Variants in TYW1B observed in about 807,000 individuals in gnomAD.
TYW1B encodes the protein S-adenosyl-L-methionine-dependent tRNA 4-demethylwyosine synthase TYW1B.
In TYW1B, 73 loss-of-function variants were observed where a neutral mutation model predicts 86.9. That is an observed-to-expected ratio of 0.84 (90% CI 0.70 to 1.02). TYW1B has a LOEUF of 1.02. Ranked by LOEUF, TYW1B falls within the 50% of genes least tolerant of loss-of-function variation. TYW1B has a pLI of 0.00. For synonymous variants in TYW1B, 248 were observed against 292.8 expected (o/e 0.85, Z 1.56); for missense variants, 637 against 827.4 (o/e 0.77, Z 2.82).
chr7:72,606,642 A>G (rs1284098775), intron 13 of TYW1B, among the ~76,000 whole-genome samples: 1 of 151,578 alleles, frequency 6.6e-6, no homozygotes, highest in Non-Finnish European at 1.5e-5. Context: ...ATGTCAGTGG[A>G]GTCTAAGGGG....
intron 7 of TYW1B, among the ~76,000 whole-genome samples, chr7:72,748,667 C>T (rs1426411194): frequency 2.6e-5 from 4 of 151,526 alleles, no homozygotes; most frequent in Non-Finnish European, 4.4e-5. Flanking sequence ...CTGCCAAATG[C>T]TTTTTCAGAA....
At chr7:72,649,947 C>A (rs1311908832) in intron 11 of TYW1B, among the ~76,000 whole-genome samples, 5 of 151,924 alleles carry the variant, frequency 3.3e-5, no homozygotes, top group African/African-American at 1.2e-4. Flanking sequence ...TGGAGTGCAG[C>A]GGTGCAATCT....
intron 7 of TYW1B, among the ~76,000 whole-genome samples, chr7:72,750,607 A>T (rs1395222112): frequency 3.3e-5 from 5 of 152,048 alleles, no homozygotes; most frequent in Admixed American, 3.3e-4. Context: ...GATGTCTTTC[A>T]TCAAATTTGG....
chr7:72,827,843 T>C (rs1166436599), intron 1 of TYW1B, among the ~76,000 whole-genome samples: 1 of 151,906 alleles, frequency 6.6e-6, no homozygotes, highest in Non-Finnish European at 1.5e-5. Context: ...TACACGTGGG[T>C]AAAGTGGGAG....
intron 9 of TYW1B, among the ~76,000 whole-genome samples, chr7:72,721,020 T>C (rs1465596575): frequency 3.3e-5 from 5 of 152,036 alleles, no homozygotes; most frequent in Non-Finnish European, 2.9e-5. Context: ...GTCCTTGCGA[T>C]AGTTTGCTCA....
intron 5 of TYW1B, among the ~76,000 whole-genome samples, chr7:72,804,411 A>T (rs1788458859): frequency 6.6e-6 from 1 of 152,172 alleles, no homozygotes; most frequent in African/African-American, 2.4e-5. Flanking sequence ...TCAAGTGTTC[A>T]ATACAAAATA....
At chr7:72,752,272 T>C (rs1229127771) in intron 7 of TYW1B, among the ~76,000 whole-genome samples, 3 of 152,010 alleles carry the variant, frequency 2.0e-5, no homozygotes, top group African/African-American at 4.8e-5. Context: ...CTCTAATTAA[T>C]ATACAGTGAC....
In TYW1B at chr7:72,728,825, T is replaced by C. The variant is rs781832946; in HGVS notation, c.1189A>G (p.Lys397Glu). The C allele has an allele frequency of 1.2e-6, 2 of 1,612,874 alleles. No homozygotes were observed. Among genetic ancestry groups the C allele is most frequent in the Non-Finnish European group, 1.7e-6 (2 of 1,179,414 alleles). Residue 397 changes from lysine (K) to glutamate (E), a missense_variant, in exon 9 of 14, where the codon AAA becomes GAA. Physicochemically the swap from Lys to Glu is moderately conservative, Grantham distance 56 (BLOSUM62 1). Coordinates refer to ENST00000620995, the MANE Select transcript of TYW1B (RefSeq NM_001145440.3). ...TCTGTAGAGGGAAGATAAATACCTT[T>C]AAACTGCTTAATCATGTTCTGATGG... ...ENHQNMIKQF[K>E]GVPGVKAERF...
At chr7:72,627,456 GTAACA>G (rs368171802) in intron 12 of TYW1B, among the ~76,000 whole-genome samples, 17,421 of 124,294 alleles carry the variant, frequency 0.14, 1,076 homozygotes, top group African/African-American at 0.17. Context: ...TCAAAAAACA[GTAACA>G]TAACATAACA....
At chr7:72,708,519 TGCTGACTTGCTGTATGA>T (rs1260263166) in intron 10 of TYW1B, among the ~76,000 whole-genome samples, 6 of 152,192 alleles carry the variant, frequency 3.9e-5, no homozygotes, top group Admixed American at 1.3e-4. Flanking sequence ...TAGCTGAACT[TGCTGACTTGCTGTATGA>T]GCTGACTTGC....
intron 13 of TYW1B, among the ~76,000 whole-genome samples, chr7:72,596,234 T>C (rs1390837543): frequency 1.4e-5 from 2 of 139,720 alleles, no homozygotes; most frequent in East Asian, 2.1e-4. Flanking sequence ...GTTACCTACA[T>C]ATTCAATACA....
At chr7:72,601,363 C>A (rs1276725186) in intron 13 of TYW1B, among the ~76,000 whole-genome samples, 2 of 151,602 alleles carry the variant, frequency 1.3e-5, no homozygotes, top group Non-Finnish European at 2.9e-5. Context: ...CAAAAAAAAC[C>A]TGATATACAC....
rs192485698 is a variant in TYW1B, at chr7:72,778,216, A to G, written c.847-683T>C. Among the ~76,000 whole-genome samples, 150 of 152,316 alleles carry G rather than the reference A, an allele frequency of 9.8e-4. 1 individual carries two copies. The highest frequency in any genetic ancestry group is 3.4e-3 in the African/African-American group (140 of 41,584). On this transcript the variant is annotated intron_variant, in intron 6 of 13. Transcript: ENST00000620995. ...TGAATTTCAATTTCCTCACCTGAAAAGGGGGAAAAATAATAATAGCAACAG... is the reference window on the plus strand; with the variant it reads ...TGAATTTCAATTTCCTCACCTGAAAGGGGGGAAAAATAATAATAGCAACAG...
intron 13 of TYW1B, among the ~76,000 whole-genome samples, chr7:72,606,611 C>G (rs1350305879): frequency 2.7e-4 from 16 of 59,698 alleles, no homozygotes; most frequent in African/African-American, 4.8e-4. Flanking sequence ...AATAAGGCCC[C>G]CCCCCCGCCT....
intron 2 of TYW1B, among the ~76,000 whole-genome samples, chr7:72,826,265 A>T (rs1484281196): frequency 9.9e-5 from 15 of 152,182 alleles, no homozygotes; most frequent in Admixed American, 7.9e-4. Context: ...AAAATCCATC[A>T]AGCCTAAATC....
chr7:72,590,700 A>T (rs1226845377), intron 13 of TYW1B, among the ~76,000 whole-genome samples: 3 of 152,214 alleles, frequency 2.0e-5, no homozygotes, highest in African/African-American at 7.2e-5. Flanking sequence ...ACAAAACTCC[A>T]GAAAACACTG....
At chr7:72,596,875 T>C (rs2129567963) in intron 13 of TYW1B, among the ~76,000 whole-genome samples, 1 of 151,802 alleles carries the variant, frequency 6.6e-6, no homozygotes, top group African/African-American at 2.4e-5. Flanking sequence ...ATGATGTATC[T>C]GGTAAGGGAT....
chr7:72,652,377 GAAAAAAAAA>G (rs1169791430), intron 11 of TYW1B, among the ~76,000 whole-genome samples: 1,282 of 31,314 alleles, frequency 0.041, 35 homozygotes, highest in African/African-American at 0.1. Flanking sequence ...GACTCTGTCT[GAAAAAAAAA>G]AAAAAAAAAA....
intron 13 of TYW1B, among the ~76,000 whole-genome samples, chr7:72,600,393 A>G (rs375866965): frequency 1.1e-4 from 17 of 152,240 alleles, no homozygotes; most frequent in East Asian, 9.6e-4. Context: ...CATAAAACAT[A>G]AAACTTCTAG....
Sources: allele counts gnomAD v4.1 joint callset (sites outside exome capture counted in the v4.1 genomes callset), GRCh38; gene constraint gnomAD v4.1.1; transcripts MANE v1.5; gene names NCBI Gene and HGNC (gene_info 2026-07-23, HGNC 2026-07-21).